The following XKR6 variants were observed in gnomAD, a reference collection of about 807,000 sequenced individuals.
XKR6 encodes XK-related protein 6.
In XKR6, 22 loss-of-function variants were observed where a neutral mutation model predicts 56.7. The observed-to-expected ratio is 0.39, with a 90% CI of 0.28 to 0.55. The LOEUF (loss-of-function observed/expected upper bound fraction) is 0.55, where lower values mean the gene tolerates loss of function less well. Ranked by LOEUF, XKR6 falls within the 20% of genes least tolerant of loss-of-function variation. The probability of loss-of-function intolerance (pLI) is 0.66; values close to 1 mark genes in which losing one functional copy is unlikely to be tolerated. For synonymous variants in XKR6, 524 were observed against 387.8 expected (o/e 1.35, Z -4.13); for missense variants, 852 against 889.0 (o/e 0.96, Z 0.53).
chr8:11,187,411 A>G (rs768804870), intron 1 of XKR6, among the ~76,000 whole-genome samples: 1 of 152,178 alleles, frequency 6.6e-6, no homozygotes, highest in Non-Finnish European at 1.5e-5. Context: ...TCGTGACACC[A>G]TCGCTGATTC....
At position 11,116,089 on chromosome 8, in the gene XKR6, G is replaced by C. The variant is rs182635831; in HGVS notation, c.764+84487C>G. ...GAAAGTACATTTCCCACGGATGTTC[G>C]TAAGATGATTCTTAAGTTTTAGATT... On this transcript the variant is annotated intron_variant, in intron 1 of 2. Coordinates refer to ENST00000416569, the MANE Select transcript of XKR6 (RefSeq NM_173683.4). 6.6e-5 allele frequency among the ~76,000 whole-genome samples: 10 copies of C among 152,294 alleles called. No homozygotes were observed. The South Asian group carries it at 1.5e-3, about 22-fold the overall frequency.
At chr8:11,036,786 C>A (rs1262395237) in intron 1 of XKR6, among the ~76,000 whole-genome samples, 3 of 152,214 alleles carry the variant, frequency 2.0e-5, no homozygotes, top group Non-Finnish European at 2.9e-5. Flanking sequence ...CAAATTTTAA[C>A]AACTGGGAGG....
At chr8:11,051,296 C>T (rs1799541702) in intron 1 of XKR6, among the ~76,000 whole-genome samples, 1 of 152,078 alleles carries the variant, frequency 6.6e-6, no homozygotes, top group Non-Finnish European at 1.5e-5. Context: ...GCTCAGACCT[C>T]GGCAGCTGCC....
intron 1 of XKR6, among the ~76,000 whole-genome samples, chr8:10,943,760 G>A (rs1183063727): frequency 1.3e-5 from 2 of 152,134 alleles, no homozygotes; most frequent in Non-Finnish European, 2.9e-5. Flanking sequence ...TGGTTGACTC[G>A]AGAGGGAGTG....
At chr8:11,051,104 A>G (rs1020623402) in intron 1 of XKR6, among the ~76,000 whole-genome samples, 5 of 152,144 alleles carry the variant, frequency 3.3e-5, no homozygotes, top group African/African-American at 1.2e-4. Flanking sequence ...TCTGATGTCC[A>G]GCTCTCAGCA....
intron 1 of XKR6, among the ~76,000 whole-genome samples, chr8:11,055,315 G>T (rs1799655023): frequency 6.6e-6 from 1 of 152,108 alleles, no homozygotes; most frequent in Admixed American, 6.5e-5. Context: ...CTAGGGTGGG[G>T]GAGGAGGCAT....
chr8:10,958,678 C>T (rs543954384), intron 1 of XKR6, among the ~76,000 whole-genome samples: 13 of 152,210 alleles, frequency 8.5e-5, no homozygotes, highest in African/African-American at 2.4e-4. Flanking sequence ...CTGGGCCGCC[C>T]GCTGATGGAG....
intron 1 of XKR6, among the ~76,000 whole-genome samples, chr8:10,974,900 G>C (rs1563321906): frequency 6.6e-6 from 1 of 152,338 alleles, no homozygotes; most frequent in East Asian, 1.9e-4. Context: ...GATGATGCTT[G>C]CATGACAACA....
intron 1 of XKR6, among the ~76,000 whole-genome samples, chr8:11,040,999 G>C (rs1429666023): frequency 1.3e-5 from 2 of 152,130 alleles, no homozygotes; most frequent in African/African-American, 4.8e-5. Context: ...CTCCGTGCTA[G>C]GTGGGGGCTG....
At chr8:11,150,253 AATG>A (rs930806353) in intron 1 of XKR6, among the ~76,000 whole-genome samples, 2 of 152,212 alleles carry the variant, frequency 1.3e-5, no homozygotes, top group Non-Finnish European at 2.9e-5. Context: ...CAAACACAGA[AATG>A]ATAAGTACTC....
At chr8:10,915,685 CT>C (rs1800543967) in intron 2 of XKR6, among the ~76,000 whole-genome samples, 1 of 152,174 alleles carries the variant, frequency 6.6e-6, no homozygotes, top group Admixed American at 6.5e-5. Flanking sequence ...TAATGTATTG[CT>C]TAACAAGAAG....
chr8:10,954,866 C>CCTTTTTTTTTTTTTTTTTT (rs1554515116), intron 1 of XKR6, among the ~76,000 whole-genome samples: 2 of 92,802 alleles, frequency 2.2e-5, no homozygotes, highest in African/African-American at 4.3e-5. Flanking sequence ...ACTTCATTCT[C>CCTTTTTTTTTTTTTTTTTT]TTTTTTTTTT....
rs147764072 is a variant in XKR6, at chr8:10,913,152, ATG to A, written c.961+11480_961+11481del. 4.3e-3 allele frequency among the ~76,000 whole-genome samples: 643 copies of A among 150,824 alleles called. 2 individuals are homozygous for A. The highest frequency in any genetic ancestry group is 0.01 in the Middle Eastern group (3 of 288). On this transcript the variant is annotated intron_variant, in intron 2 of 2. Coordinates refer to ENST00000416569, the MANE Select transcript of XKR6 (RefSeq NM_173683.4). ...TATGTCATCTTTTCTGTGTATGTAT[ATG>A]TGTGTGTGTGTGTATATAGTCTCTA...
chr8:11,057,770 C>G (rs1799723437), intron 1 of XKR6, among the ~76,000 whole-genome samples: 1 of 152,300 alleles, frequency 6.6e-6, no homozygotes, highest in Admixed American at 6.5e-5. Flanking sequence ...TTCCTGACTC[C>G]TTCAGTGGGG....
chr8:11,101,399 C>T (rs937728306), intron 1 of XKR6, among the ~76,000 whole-genome samples: 1 of 152,154 alleles, frequency 6.6e-6, no homozygotes, highest in Non-Finnish European at 1.5e-5. Context: ...TCTGAAATGA[C>T]AATGAATGGA....
intron 1 of XKR6, among the ~76,000 whole-genome samples, chr8:11,099,727 CCAA>C (rs1235313467): frequency 6.6e-6 from 1 of 152,192 alleles, no homozygotes; most frequent in Non-Finnish European, 1.5e-5. Context: ...AAAACAGCCA[CCAA>C]CAAAACAAAG....
At chr8:11,138,844 T>C (rs1800532921) in intron 1 of XKR6, among the ~76,000 whole-genome samples, 1 of 151,912 alleles carries the variant, frequency 6.6e-6, no homozygotes, top group African/African-American at 2.4e-5. Context: ...ACAGGCAAAC[T>C]ATATAAAACA....
chr8:10,924,480 G>A (rs572791567), intron 2 of XKR6, among the ~76,000 whole-genome samples, 154 bp downstream of exon 2: 111 of 152,376 alleles, frequency 7.3e-4, no homozygotes, highest in African/African-American at 1.9e-3. Context: ...TGTGGGCCCC[G>A]TCAGCACTGC....
chr8:11,194,472 T>A (rs1402892385), intron 1 of XKR6: 2 of 152,268 alleles, frequency 1.3e-5, no homozygotes, highest in African/African-American at 4.8e-5. Context: ...ATAAATTTTT[T>A]AAAAGTTTTA....
Sources: allele counts gnomAD v4.1 joint callset (sites outside exome capture counted in the v4.1 genomes callset), GRCh38; gene constraint gnomAD v4.1.1; transcripts MANE v1.5; gene names NCBI Gene and HGNC (gene_info 2026-07-23, HGNC 2026-07-21).